PRKG1: variants seen among roughly 807,000 people sequenced by gnomAD.
PRKG1 encodes protein kinase cGMP-dependent 1, also known as cGMP-dependent protein kinase 1.
A neutral mutation model predicts 88.1 loss-of-function variants in PRKG1; 35 were observed. The observed-to-expected ratio is 0.40, with a 90% CI of 0.30 to 0.53. The LOEUF (loss-of-function observed/expected upper bound fraction) is 0.53, where lower values mean the gene tolerates loss of function less well. Among genes scored for constraint, PRKG1 ranks in the 20% least tolerant of loss-of-function variants. The pLI is 0.59. For synonymous variants in PRKG1, 303 were observed against 292.5 expected (o/e 1.04, Z -0.37); for missense variants, 540 against 839.8 (o/e 0.64, Z 4.41).
intron 3 of PRKG1, among the ~76,000 whole-genome samples, chr10:51,526,683 A>G (rs922875380): frequency 6.6e-6 from 1 of 152,138 alleles, no homozygotes; most frequent in Non-Finnish European, 1.5e-5. Context: ...TATTTAGCTA[A>G]CACCCTCTGT....
intron 6 of PRKG1, among the ~76,000 whole-genome samples, chr10:52,057,441 C>T (rs1489869394): frequency 3.3e-5 from 5 of 152,166 alleles, no homozygotes; most frequent in African/African-American, 7.2e-5. Flanking sequence ...TGCCTGGAAA[C>T]GTGAGTTGCT....
At chr10:51,669,871 A>C (rs1036188785) in intron 3 of PRKG1, among the ~76,000 whole-genome samples, 3 of 152,190 alleles carry the variant, frequency 2.0e-5, no homozygotes, top group Admixed American at 6.5e-5. Flanking sequence ...AGTATTGTAC[A>C]TATGCCCCTT....
At chr10:51,422,025 T>C (rs1838430323) in intron 2 of PRKG1, among the ~76,000 whole-genome samples, 1 of 152,190 alleles carries the variant, frequency 6.6e-6, no homozygotes, top group South Asian at 2.1e-4. Context: ...CAAGCTCTAT[T>C]TATAGAGTGT....
intron 3 of PRKG1, among the ~76,000 whole-genome samples, chr10:51,542,778 G>C (rs1842340502): frequency 6.6e-6 from 1 of 152,136 alleles, no homozygotes; most frequent in African/African-American, 2.4e-5. Flanking sequence ...AGAGCACCAG[G>C]CTAGCCATCT....
chr10:52,170,439 C>G (rs1838634423), intron 9 of PRKG1, among the ~76,000 whole-genome samples: 1 of 152,032 alleles, frequency 6.6e-6, no homozygotes, highest in Non-Finnish European at 1.5e-5. Flanking sequence ...GGCTAGTATG[C>G]AAAACAGGAC....
chr10:52,168,646 C>G (rs1382114483), intron 9 of PRKG1, among the ~76,000 whole-genome samples: 1 of 149,538 alleles, frequency 6.7e-6, no homozygotes, highest in Non-Finnish European at 1.5e-5. Flanking sequence ...GGAGAATAAT[C>G]AAAATATTTT....
chr10:51,428,023 G>A (rs528298784), intron 2 of PRKG1, among the ~76,000 whole-genome samples: 57 of 152,292 alleles, frequency 3.7e-4, no homozygotes, highest in African/African-American at 1.3e-3. Context: ...CACAGTAAGA[G>A]TAGAGACAGA....
intron 4 of PRKG1, among the ~76,000 whole-genome samples, chr10:51,847,805 C>T (rs902837550): frequency 2.5e-5 from 3 of 118,640 alleles, no homozygotes; most frequent in African/African-American, 3.3e-5. Flanking sequence ...AGTTTGAGGC[C>T]AGCCTGGGCA....
chr10:52,000,475 G>A (rs559314408), intron 5 of PRKG1, among the ~76,000 whole-genome samples: 4 of 152,090 alleles, frequency 2.6e-5, no homozygotes, highest in African/African-American at 7.2e-5. Flanking sequence ...TCTAAATATA[G>A]AAGGTGAGAA....
intron 3 of PRKG1, among the ~76,000 whole-genome samples, chr10:51,646,187 G>A (rs1383783150): frequency 6.6e-6 from 1 of 152,178 alleles, no homozygotes; most frequent in Non-Finnish European, 1.5e-5. Context: ...TACATGGGCT[G>A]TGGAGCAAGT....
intron 3 of PRKG1, among the ~76,000 whole-genome samples, chr10:51,624,908 G>A (rs1839296565): frequency 6.6e-6 from 1 of 152,164 alleles, no homozygotes; most frequent in African/African-American, 2.4e-5. Context: ...AGGCTGGGGA[G>A]GGAAGGGTGT....
At chr10:51,207,167 A>T (rs1489387083) in intron 2 of PRKG1, among the ~76,000 whole-genome samples, 2 of 152,332 alleles carry the variant, frequency 1.3e-5, no homozygotes, top group African/African-American at 4.8e-5. Flanking sequence ...GATAACTGGA[A>T]GAAGGGATTA....
chr10:51,292,477 C>A (rs1374116197), intron 2 of PRKG1, among the ~76,000 whole-genome samples: 1 of 152,084 alleles, frequency 6.6e-6, no homozygotes, highest in African/African-American at 2.4e-5. Context: ...GAACTATTCA[C>A]CTCATTGCTA....
chr10:51,460,145 T>A (rs1564506653), intron 2 of PRKG1, among the ~76,000 whole-genome samples: 1 of 152,116 alleles, frequency 6.6e-6, no homozygotes, highest in African/African-American at 2.4e-5. Flanking sequence ...ACCCCCTGGT[T>A]GTGACAACCA....
At chr10:51,815,797 G>A (rs1011607787) in intron 4 of PRKG1, among the ~76,000 whole-genome samples, 7 of 152,158 alleles carry the variant, frequency 4.6e-5, no homozygotes, top group African/African-American at 1.7e-4. Flanking sequence ...TGGGCAGCAT[G>A]GGTGTCTATG....
At chr10:52,148,958 T>G (rs1253128054) in intron 8 of PRKG1, among the ~76,000 whole-genome samples, 1 of 39,262 alleles carries the variant, frequency 2.5e-5, no homozygotes, top group Non-Finnish European at 6.4e-5. Context: ...ATAGTTTTGC[T>G]TTTTTTTTTT....
intron 3 of PRKG1, among the ~76,000 whole-genome samples, chr10:51,643,686 G>T (rs1839852722): frequency 6.6e-6 from 1 of 152,064 alleles, no homozygotes; most frequent in African/African-American, 2.4e-5. Flanking sequence ...GTAATTCTCT[G>T]GTGTCCTTAA....
At chr10:52,056,701 C>T (rs189227879) in intron 6 of PRKG1, among the ~76,000 whole-genome samples, 10 of 152,024 alleles carry the variant, frequency 6.6e-5, no homozygotes. Context: ...TTTTTTAGGT[C>T]ACACAAGTTA....
At chr10:51,610,340 A>C (rs914188151) in intron 3 of PRKG1, among the ~76,000 whole-genome samples, 2 of 152,062 alleles carry the variant, frequency 1.3e-5, no homozygotes, top group Non-Finnish European at 1.5e-5. Context: ...CACTACCTCC[A>C]TGTGAGCAAT....
Sources: gnomAD v4.1 joint callset for allele counts (sites outside exome capture counted in the v4.1 genomes callset) on GRCh38, gnomAD v4.1.1 for gene constraint, MANE v1.5 for transcripts, NCBI Gene and HGNC (gene_info 2026-07-23, HGNC 2026-07-21) for gene names.